ZNF821: variants seen among roughly 807,000 people sequenced by gnomAD.
ZNF821 encodes zinc finger protein 821.
ZNF821 carries 16 observed loss-of-function variants against 44.3 expected under a neutral mutation model. The observed-to-expected ratio is 0.36, with a 90% CI of 0.24 to 0.55. The LOEUF is 0.55. ZNF821 is among the 20% of genes least tolerant of loss of function. ZNF821 has a pLI of 0.86. For synonymous variants in ZNF821, 204 were observed against 197.6 expected (o/e 1.03, Z -0.27); for missense variants, 436 against 547.6 (o/e 0.80, Z 2.03).
chr16:71,884,393 C>A (rs563876126), upstream of ZNF821, among the ~76,000 whole-genome samples: 1 of 152,242 alleles, frequency 6.6e-6, no homozygotes, highest in African/African-American at 2.4e-5. Flanking sequence ...CCCGCCTCGC[C>A]CATTCCCGGG....
At chr16:71,871,893 G>A (rs915519689) in intron 3 of ZNF821, among the ~76,000 whole-genome samples, 5 of 151,432 alleles carry the variant, frequency 3.3e-5, no homozygotes, top group Admixed American at 2.0e-4. Flanking sequence ...GTGCAATGGC[G>A]CAATCTCGGC....
chr16:71,860,078 C>T lies in ZNF821; in HGVS notation c.1179G>A (p.Leu393=), dbSNP rs17850869. The T allele has an allele frequency of 0.015, 24,153 of 1,614,096 alleles. 231 individuals carry two copies. The highest frequency in any genetic ancestry group is 0.018 in the Non-Finnish European group (21,340 of 1,179,982). Residue 393 remains leucine, a synonymous_variant, in exon 8 of 8, where the codon TTG becomes TTA. Coordinates refer to ENST00000425432, the MANE Select transcript of ZNF821 (RefSeq NM_001201552.2). This position sits in a 1 kb window ranked among gnomAD's most constrained non-coding sequence, Gnocchi z 7.3. ...CCATCTTGCCCAGAAGCTGGCTGTC[C>T]AACTCCACCCCACTTACAGGCAGCT... ...FFQLPVSGVE[L]DSQLLGKMAF...
chr16:71,876,765 G>A (rs973565106), intron 3 of ZNF821, among the ~76,000 whole-genome samples: 15 of 151,928 alleles, frequency 9.9e-5, no homozygotes, highest in Non-Finnish European at 1.9e-4. Flanking sequence ...GTGCCACCTC[G>A]CCCAGCTAAT....
chr16:71,860,102 C>T lies in ZNF821; in HGVS notation c.1155G>A (p.Gln385=). 2 of 1,614,254 alleles carry T rather than the reference C, an allele frequency of 1.2e-6. No individual in the cohort carries two copies. The highest frequency in any genetic ancestry group is 1.7e-6 in the Non-Finnish European group (2 of 1,180,044). Residue 385 remains glutamine (Q), a synonymous_variant, in exon 8 of 8, where the codon CAG becomes CAA. Transcript: ENST00000425432. The surrounding 1 kb of genome is among the most constrained non-coding windows in gnomAD (Gnocchi z 7.3). ...CCAACTCCACCCCACTTACAGGCAGCTGGAAGAAGTTCATTTCAGCTGCTA... is the reference window on the plus strand; with the variant it reads ...CCAACTCCACCCCACTTACAGGCAGTTGGAAGAAGTTCATTTCAGCTGCTA... ...AALAAEMNFF[Q]LPVSGVELDS...
At chr16:71,893,752 C>G (rs969560664) in intron 1 of ZNF821, among the ~76,000 whole-genome samples, 1 of 151,414 alleles carries the variant, frequency 6.6e-6, no homozygotes, top group Non-Finnish European at 1.5e-5. Context: ...AGCCACCATG[C>G]CCAGCCAAAA....
At chr16:71,894,718 T>TTTA in intron 1 of ZNF821, 1 of 567,560 alleles carries the variant, frequency 1.8e-6, no homozygotes. Context: ...TTTTTTTTTG[T>TTTA]AGCGATGCGG....
upstream of ZNF821, among the ~76,000 whole-genome samples, chr16:71,888,375 A>G (rs1035536929): frequency 2.2e-4 from 33 of 150,822 alleles, no homozygotes; most frequent in African/African-American, 7.1e-4. Context: ...ATTTACACCT[A>G]TGTTTTCTCT....
At chr16:71,866,138 C>T (rs1277154884) in intron 4 of ZNF821, among the ~76,000 whole-genome samples, 1 of 152,078 alleles carries the variant, frequency 6.6e-6, no homozygotes, top group Non-Finnish European at 1.5e-5. Context: ...CTGATGTGAG[C>T]AAGAGAGAAA....
At chr16:71,893,496 G>A (rs1390259694) in intron 1 of ZNF821, among the ~76,000 whole-genome samples, 2 of 150,504 alleles carry the variant, frequency 1.3e-5, no homozygotes, top group African/African-American at 4.9e-5. Flanking sequence ...GTCTCACTCT[G>A]CTGCCCAGGC....
chr16:71,872,043 C>G (rs1029287953), intron 3 of ZNF821, among the ~76,000 whole-genome samples: 26 of 152,058 alleles, frequency 1.7e-4, no homozygotes, highest in African/African-American at 6.0e-4. Flanking sequence ...GTTGGTCAGG[C>G]TGGTCTCGAA....
At chr16:71,878,594 C>T (rs1008590682) in intron 3 of ZNF821, among the ~76,000 whole-genome samples, 10 of 152,178 alleles carry the variant, frequency 6.6e-5, no homozygotes, top group African/African-American at 2.4e-4. Context: ...ATACATATGG[C>T]ACATAGTCTC....
At chr16:71,861,495 C>T (rs2033894697) in intron 7 of ZNF821, among the ~76,000 whole-genome samples, 1 of 152,216 alleles carries the variant, frequency 6.6e-6, no homozygotes. Context: ...CCTCTCTACC[C>T]TATAACTTCT....
intron 3 of ZNF821, among the ~76,000 whole-genome samples, chr16:71,877,274 T>C (rs181626883): frequency 3.5e-4 from 54 of 152,284 alleles, no homozygotes; most frequent in Admixed American, 3.1e-3. Context: ...TTTGTTTGTT[T>C]GTTTGAGACG....
chr16:71,884,837 A>C (rs2036781901), upstream of ZNF821: 2 of 150,410 alleles, frequency 1.3e-5, no homozygotes. Context: ...GTTTGGGGGC[A>C]ATGGAGAGCC....
At chr16:71,861,707 G>T in intron 7 of ZNF821, 69 bp downstream of exon 7, 1 of 1,590,074 alleles carries the variant, frequency 6.3e-7, no homozygotes, top group Non-Finnish European at 8.6e-7. Context: ...CCTTCGCTTT[G>T]ACTTCAGAAA....
At chr16:71,877,567 C>T (rs8050488) in intron 3 of ZNF821, among the ~76,000 whole-genome samples, 121,535 of 152,082 alleles carry the variant, frequency 0.8, 48,942 homozygotes, top group East Asian at 0.98. Context: ...GCCTATATAG[C>T]ATGTTTTTAA....
At chr16:71,871,771 C>T (rs556710280) in intron 3 of ZNF821, among the ~76,000 whole-genome samples, 2 of 151,428 alleles carry the variant, frequency 1.3e-5, no homozygotes, top group South Asian at 4.2e-4. Context: ...AAGGTGTTCT[C>T]TCTCCTTTTA....
chr16:71,882,679 G>A (rs569640744), intron 2 of ZNF821, among the ~76,000 whole-genome samples: 1 of 152,054 alleles, frequency 6.6e-6, no homozygotes, highest in Non-Finnish European at 1.5e-5. Context: ...CCCACACAAC[G>A]AAACGAAAAT....
At chr16:71,890,245 T>A (rs1041429340) in intron 1 of ZNF821, among the ~76,000 whole-genome samples, 11 of 150,732 alleles carry the variant, frequency 7.3e-5, no homozygotes, top group African/African-American at 2.7e-4. Context: ...TTTTTATTGT[T>A]TTTCTTCTTT....
Sources: gnomAD v4.1 joint callset for allele counts (sites outside exome capture counted in the v4.1 genomes callset) on GRCh38, gnomAD v4.1.1 for gene constraint, Gnocchi (gnomAD v3.1) non-coding constraint, MANE v1.5 for transcripts, NCBI Gene and HGNC (gene_info 2026-07-23, HGNC 2026-07-21) for gene names.